PKHD1: variants seen among roughly 807,000 people sequenced by gnomAD.
PKHD1 encodes the protein fibrocystin.
Under a neutral mutation model 412.0 loss-of-function variants are expected in PKHD1, and 291 were observed. The ratio of observed to expected loss-of-function variants is 0.71; its 90% CI spans 0.64 to 0.78. The LOEUF (loss-of-function observed/expected upper bound fraction) is 0.78. Among genes scored for constraint, PKHD1 ranks in the 30% least tolerant of loss-of-function variants. The pLI is 0.00. For missense variants in PKHD1, 4,825 were observed against 4,950.7 expected (o/e 0.97, Z 0.76); for synonymous variants, 1,777 against 1,821.5 (o/e 0.98, Z 0.62).
intron 35 of PKHD1, among the ~76,000 whole-genome samples, chr6:51,962,770 G>C (rs1339542365): frequency 6.6e-6 from 1 of 151,924 alleles, no homozygotes; most frequent in Non-Finnish European, 1.5e-5. Flanking sequence ...CCTCTGCTCA[G>C]GTATCACCTC....
intron 63 of PKHD1, among the ~76,000 whole-genome samples, chr6:51,643,802 G>C (rs1436408520): frequency 2.0e-5 from 3 of 151,976 alleles, no homozygotes; most frequent in Non-Finnish European, 4.4e-5. Context: ...TAGGTATTAA[G>C]CCCCACATGC....
chr6:51,743,185 A>G (rs1784776614), intron 60 of PKHD1, among the ~76,000 whole-genome samples: 1 of 152,178 alleles, frequency 6.6e-6, no homozygotes, highest in Admixed American at 6.5e-5. Context: ...TAGAGACTAC[A>G]AAAGTAGAAG....
rs1582668736 is a variant in PKHD1 at position 51,783,870 on chromosome 6, G to A, written c.8440+7366C>T. On this transcript the variant is annotated intron_variant, in intron 53 of 66. Coordinates refer to ENST00000371117, the MANE Select transcript of PKHD1 (RefSeq NM_138694.4). ...ACTCCTTTTTTCCTTTCACATAGGG[G>A]ATAAATATATTGTAGTCATTTAAAC... 3.3e-5 allele frequency among the ~76,000 whole-genome samples: 5 copies of A among 151,990 alleles called. No individual in the cohort carries two copies. In the South Asian group the frequency reaches 8.3e-4, roughly 25 times the overall value.
Position 52,010,367 on chromosome 6 carries a change from T to C in PKHD1, c.5693A>G (p.Asn1898Ser), listed in dbSNP as rs753493590. Residue 1898 changes from asparagine (N) to serine (S), a missense_variant, in exon 35 of 67, where the codon AAT becomes AGT. Physicochemically the swap from Asn to Ser is conservative, Grantham distance 46. Coordinates refer to ENST00000371117, the MANE Select transcript of PKHD1 (RefSeq NM_138694.4). ...AGTAATCTTGACGGTAATTGGCTGA[T>C]TGGGCGTCTCACACTCCATCTCTGC... ...TEAEMECETP[N>S]QPITVKITEI... 5.0e-6 allele frequency: 8 copies of C among 1,613,650 alleles called. No individual in the cohort carries two copies. The highest frequency in any genetic ancestry group is 5.9e-6 in the Non-Finnish European group (7 of 1,179,596).
chr6:51,921,736 G>A (rs529913239), intron 37 of PKHD1, among the ~76,000 whole-genome samples: 3 of 152,214 alleles, frequency 2.0e-5, no homozygotes, highest in African/African-American at 7.2e-5. Flanking sequence ...TGAAGCTTGT[G>A]CATGCATCAC....
chr6:51,685,306 C>A (rs1777267527), intron 60 of PKHD1, among the ~76,000 whole-genome samples: 1 of 152,052 alleles, frequency 6.6e-6, no homozygotes, highest in Non-Finnish European at 1.5e-5. Context: ...TATTATTGGT[C>A]ATAAAATTAA....
At chr6:51,838,347 G>A (rs780487448) in intron 50 of PKHD1, among the ~76,000 whole-genome samples, 6 of 152,056 alleles carry the variant, frequency 3.9e-5, no homozygotes, top group Non-Finnish European at 8.8e-5. Flanking sequence ...GTTTAATCTT[G>A]TATCTGTAGC....
chr6:52,032,963 T>A (rs376114947), intron 29 of PKHD1, 67 bp downstream of exon 29: 9 of 1,369,190 alleles, frequency 6.6e-6, no homozygotes, highest in Non-Finnish European at 9.4e-6. Flanking sequence ...TCAGAGGACA[T>A]TGATTGCCCT....
chr6:52,020,728 A>G (rs1401769474), intron 33 of PKHD1, among the ~76,000 whole-genome samples: 3 of 152,226 alleles, frequency 2.0e-5, no homozygotes, highest in Admixed American at 2.0e-4. Flanking sequence ...AGCAACTGCG[A>G]AACACTTGTA....
chr6:52,057,424 C>CTT (rs34656811), intron 16 of PKHD1, among the ~76,000 whole-genome samples: 9 of 147,814 alleles, frequency 6.1e-5, no homozygotes, highest in African/African-American at 2.2e-4. Context: ...TTCTATGCAG[C>CTT]TTTTTTTTTT....
intron 60 of PKHD1, among the ~76,000 whole-genome samples, chr6:51,673,021 T>C (rs1370131888): frequency 6.6e-6 from 1 of 152,218 alleles, no homozygotes; most frequent in Non-Finnish European, 1.5e-5. Flanking sequence ...TCTCTGTGTC[T>C]GGCATTCTTC....
chr6:51,822,889 A>G lies in PKHD1; in HGVS notation c.8302+7972T>C, dbSNP rs565090588. Among the ~76,000 whole-genome samples the G allele has an allele frequency of 4.6e-5, 7 of 152,132 alleles. No homozygotes were observed. In the East Asian group the frequency reaches 7.7e-4, roughly 17 times the overall value. ...TTAACCCTATCAATTCTGCTTTCCC[A>G]TCAAGTTTATGGTACTTATTATATT... On this transcript the variant is annotated intron_variant, in intron 52 of 66. Transcript: ENST00000371117.
chr6:52,026,178 C>T lies in PKHD1; in HGVS notation c.3632G>A (p.Gly1211Glu), dbSNP rs1802157515. ...TATTCCTGAGATGCTGAGGATGGTC[C>T]CTCCTAAAGTATGAATACGGAAAGC... ...IEPCCGSLLG[G>E]TILSISGIGF... The change falls in exon 32 of 67, where the codon GGG (glycine) becomes GAG (glutamate). Residue 1211 changes from glycine (G) to glutamate (E), a missense_variant. Transcript: ENST00000371117. 1.9e-6 allele frequency: 3 copies of T among 1,613,738 alleles called. No homozygotes were observed. Among genetic ancestry groups the T allele is most frequent in the Non-Finnish European group, 2.5e-6 (3 of 1,179,828 alleles).
chr6:51,741,671 C>A (rs574508490), intron 60 of PKHD1, among the ~76,000 whole-genome samples: 7 of 152,260 alleles, frequency 4.6e-5, no homozygotes, highest in Non-Finnish European at 8.8e-5. Context: ...CAGTGGTAAC[C>A]AGTTTGATAA....
chr6:51,839,867 A>G (rs868062075), intron 50 of PKHD1, among the ~76,000 whole-genome samples: 2 of 151,826 alleles, frequency 1.3e-5, no homozygotes, highest in Non-Finnish European at 2.9e-5. Context: ...GCCACTGACT[A>G]AACAGTGAAA....
At chr6:51,780,348 A>C (rs900581553) in intron 53 of PKHD1, among the ~76,000 whole-genome samples, 2 of 151,968 alleles carry the variant, frequency 1.3e-5, no homozygotes, top group Non-Finnish European at 2.9e-5. Context: ...ATCGCACCAC[A>C]CTGCACTCCA....
chr6:51,683,868 G>C (rs545054558), intron 60 of PKHD1, among the ~76,000 whole-genome samples: 34 of 152,086 alleles, frequency 2.2e-4, no homozygotes, highest in African/African-American at 8.0e-4. Flanking sequence ...CACAGTGTTT[G>C]CCTTCATGGA....
chr6:51,838,369 C>T (rs1347187564), intron 50 of PKHD1, among the ~76,000 whole-genome samples: 1 of 152,228 alleles, frequency 6.6e-6, no homozygotes, highest in East Asian at 1.9e-4. Context: ...CTTTCCACTA[C>T]ACTGCACCAA....
rs2151761992 is a variant in PKHD1 at position 51,868,087 on chromosome 6, G to C, written c.7509C>G (p.Ser2503Arg). 6.2e-7 allele frequency: 1 copy of C among 1,611,662 alleles called. No homozygotes were observed. The highest frequency in any genetic ancestry group is 1.1e-5 in the South Asian group (1 of 91,012). ...TTGAAGAGTTTGTAAACTTCAACTG[G>C]CTGGTCTTCACAGTAAATCCACCTA... ...QGQGGFTVKTSQLKFTNSSNL... is the reference protein window; with the variant it reads ...QGQGGFTVKTRQLKFTNSSNL... Residue 2503 changes from serine (S) to arginine (R), a missense_variant, in exon 48 of 67, where the codon AGC (serine) becomes AGG (arginine). Transcript: ENST00000371117.
Sources: allele counts gnomAD v4.1 joint callset (sites outside exome capture counted in the v4.1 genomes callset), GRCh38; gene constraint gnomAD v4.1.1; transcripts MANE v1.5; gene names NCBI Gene and HGNC (gene_info 2026-07-23, HGNC 2026-07-21).